Variants in ANKS1B observed in about 807,000 individuals in gnomAD.
ANKS1B encodes the protein ankyrin repeat and sterile alpha motif domain containing 1B, also known as ankyrin repeat and sterile alpha motif domain-containing protein 1B.
Under a neutral mutation model 148.3 loss-of-function variants are expected in ANKS1B, and 36 were observed. The observed-to-expected ratio is 0.24, with a 90% CI of 0.19 to 0.32. The LOEUF is 0.32. Ranked by LOEUF, ANKS1B falls within the 10% of genes least tolerant of loss-of-function variation. ANKS1B has a pLI of 1.00. For missense variants in ANKS1B, 1,157 were observed against 1,542.6 expected, an observed-to-expected ratio of 0.75 and a Z score of 4.19; for synonymous variants, 542 against 560.8, an observed-to-expected ratio of 0.97 and a Z score of 0.47.
intron 17 of ANKS1B, among the ~76,000 whole-genome samples, chr12:98,939,412 C>T (rs2099831302): frequency 6.6e-6 from 1 of 152,190 alleles, no homozygotes; most frequent in Non-Finnish European, 1.5e-5. Flanking sequence ...AAAGAATTTG[C>T]TAAGCAGATG....
intron 12 of ANKS1B, among the ~76,000 whole-genome samples, chr12:99,318,327 T>C (rs1016710829): frequency 1.3e-5 from 2 of 152,174 alleles, no homozygotes; most frequent in Non-Finnish European, 2.9e-5. Flanking sequence ...CTATTAATTA[T>C]TGCCTCAACT....
At chr12:99,155,169 T>TCA in intron 14 of ANKS1B, 1 of 1,403,316 alleles carries the variant, frequency 7.1e-7, no homozygotes, top group Non-Finnish European at 9.3e-7. Context: ...ATAACAGAGC[T>TCA]CACGACAGGT....
intron 14 of ANKS1B, among the ~76,000 whole-genome samples, chr12:99,230,402 G>T (rs1190539725): frequency 6.6e-6 from 1 of 151,934 alleles, no homozygotes; most frequent in Non-Finnish European, 1.5e-5. Context: ...ACTACTAATG[G>T]GCGATTTCAC....
chr12:99,757,459 A>G (rs1567789879), intron 8 of ANKS1B, among the ~76,000 whole-genome samples: 1 of 151,854 alleles, frequency 6.6e-6, no homozygotes, highest in African/African-American at 2.4e-5. Flanking sequence ...AAGGTTATGG[A>G]AAAAAAAGCA....
intron 17 of ANKS1B, among the ~76,000 whole-genome samples, chr12:98,905,733 T>C (rs974042026): frequency 4.0e-5 from 6 of 151,638 alleles, no homozygotes; most frequent in Non-Finnish European, 5.9e-5. Flanking sequence ...GATCGTACCA[T>C]TGCACTCCAG....
intron 12 of ANKS1B, among the ~76,000 whole-genome samples, chr12:99,377,394 G>C (rs1403004724): frequency 6.6e-6 from 1 of 152,010 alleles, no homozygotes; most frequent in Non-Finnish European, 1.5e-5. Flanking sequence ...GCTTTTGTGG[G>C]GCTAGCAGTA....
intron 9 of ANKS1B, among the ~76,000 whole-genome samples, chr12:99,543,068 TA>T (rs2097141615): frequency 6.6e-6 from 1 of 152,116 alleles, no homozygotes; most frequent in Non-Finnish European, 1.5e-5. Flanking sequence ...AGAACGTATT[TA>T]AAAATCATAT....
At chr12:98,895,370 G>A (rs920163755) in intron 17 of ANKS1B, 3 of 948,202 alleles carry the variant, frequency 3.2e-6, no homozygotes, top group East Asian at 1.2e-4. Context: ...GGCTCCGCGG[G>A]TGCCCAGGTG....
chr12:99,711,281 A>G (rs1666913084), intron 8 of ANKS1B, among the ~76,000 whole-genome samples: 2 of 152,042 alleles, frequency 1.3e-5, no homozygotes, highest in African/African-American at 4.8e-5. Flanking sequence ...ACTGCACATC[A>G]CAGTTTTAAT....
At chr12:99,983,291 C>T (rs1431551391) in intron 1 of ANKS1B, among the ~76,000 whole-genome samples, 5 of 152,138 alleles carry the variant, frequency 3.3e-5, no homozygotes, top group Admixed American at 6.5e-5. Context: ...AATAGTTTCT[C>T]AAGTATGGAA....
At chr12:98,836,654 A>G (rs1289107261) in intron 17 of ANKS1B, among the ~76,000 whole-genome samples, 1 of 152,226 alleles carries the variant, frequency 6.6e-6, no homozygotes, top group Non-Finnish European at 1.5e-5. Flanking sequence ...ATCATGGGTG[A>G]TAACCAGTGT....
At chr12:99,911,107 GGT>G (rs1213713461) in intron 1 of ANKS1B, among the ~76,000 whole-genome samples, 1 of 152,078 alleles carries the variant, frequency 6.6e-6, no homozygotes, top group Non-Finnish European at 1.5e-5. Flanking sequence ...GATTTAGGGT[GGT>G]GAAATAAATC....
At chr12:99,205,353 T>C (rs902381884) in intron 14 of ANKS1B, among the ~76,000 whole-genome samples, 1 of 152,220 alleles carries the variant, frequency 6.6e-6, no homozygotes, top group Non-Finnish European at 1.5e-5. Flanking sequence ...CTCATCATAA[T>C]GGTCATTTTA....
chr12:99,480,777 C>G (rs567846777), intron 10 of ANKS1B, among the ~76,000 whole-genome samples: 30 of 151,840 alleles, frequency 2.0e-4, no homozygotes, highest in African/African-American at 7.2e-4. Context: ...TTGTTTTTGG[C>G]AAAATATCTT....
At chr12:99,812,846 C>A (rs1416844760) in intron 2 of ANKS1B, among the ~76,000 whole-genome samples, 1 of 151,456 alleles carries the variant, frequency 6.6e-6, no homozygotes, top group Admixed American at 6.6e-5. Flanking sequence ...AAAATTTACA[C>A]ATCATTCCTA....
chr12:99,456,361 G>A (rs1238350965), intron 10 of ANKS1B, among the ~76,000 whole-genome samples: 1 of 151,996 alleles, frequency 6.6e-6, no homozygotes, highest in Non-Finnish European at 1.5e-5. Context: ...GACAAAACAA[G>A]GTTCTTTAAC....
chr12:99,066,333 AG>A (rs2044322087), intron 16 of ANKS1B, among the ~76,000 whole-genome samples: 1 of 152,200 alleles, frequency 6.6e-6, no homozygotes, highest in African/African-American at 2.4e-5. Context: ...AAAATAAAAA[AG>A]TAAAAAATAA....
chr12:99,232,309 T>C (rs1186487486), intron 14 of ANKS1B, among the ~76,000 whole-genome samples: 1 of 152,238 alleles, frequency 6.6e-6, no homozygotes, highest in South Asian at 2.1e-4. Flanking sequence ...AATGCCAGCC[T>C]TAAAAATACA....
intron 1 of ANKS1B, among the ~76,000 whole-genome samples, chr12:99,860,075 G>A (rs1390962551): frequency 2.0e-5 from 3 of 152,320 alleles, no homozygotes; most frequent in Admixed American, 6.5e-5. Flanking sequence ...TGAGATAAAA[G>A]TTGACTAAGA....
Sources: allele counts gnomAD v4.1 joint callset (sites outside exome capture counted in the v4.1 genomes callset), GRCh38; gene constraint gnomAD v4.1.1; transcripts MANE v1.5; gene names NCBI Gene and HGNC (gene_info 2026-07-23, HGNC 2026-07-21).